Variants in GPC5 observed in about 807,000 individuals in gnomAD.
The protein encoded by GPC5 is glypican 5.
Under a neutral mutation model 53.9 loss-of-function variants are expected in GPC5, and 47 were observed. The observed-to-expected ratio is 0.87, with a 90% CI of 0.69 to 1.11. The LOEUF (loss-of-function observed/expected upper bound fraction) is 1.11. Among genes scored for constraint, GPC5 ranks in the 50% most tolerant of loss-of-function variants. The probability of loss-of-function intolerance (pLI) is 0.00; values close to 1 mark genes in which losing one functional copy is unlikely to be tolerated. For missense variants in GPC5, 748 were observed against 713.1 expected, an observed-to-expected ratio of 1.05 and a Z score of -0.56; for synonymous variants, 286 against 263.3, an observed-to-expected ratio of 1.09 and a Z score of -0.84.
At chr13:92,064,089 G>A (rs2041145741) in intron 6 of GPC5, among the ~76,000 whole-genome samples, 1 of 152,192 alleles carries the variant, frequency 6.6e-6, no homozygotes, top group East Asian at 1.9e-4. Context: ...ACCATTTAAT[G>A]TCTCAAATTT....
chr13:91,638,600 A>G (rs1000603647), intron 2 of GPC5, among the ~76,000 whole-genome samples: 2 of 152,132 alleles, frequency 1.3e-5, no homozygotes, highest in South Asian at 4.1e-4. Flanking sequence ...TCCTGACCTC[A>G]AGTGATCTGC....
At chr13:91,860,361 T>C (rs966755158) in intron 5 of GPC5, among the ~76,000 whole-genome samples, 6 of 151,946 alleles carry the variant, frequency 3.9e-5, no homozygotes, top group Non-Finnish European at 7.4e-5. Flanking sequence ...TCACATAATA[T>C]CCTCCATTTC....
intron 7 of GPC5, among the ~76,000 whole-genome samples, chr13:92,764,535 A>G (rs1380450848): frequency 1.3e-5 from 2 of 152,164 alleles, no homozygotes; most frequent in South Asian, 2.1e-4. Flanking sequence ...TAGGTGTCCA[A>G]GGTGGTTATG....
chr13:92,174,606 C>T (rs2042096404), intron 7 of GPC5, among the ~76,000 whole-genome samples: 2 of 151,904 alleles, frequency 1.3e-5, no homozygotes, highest in Non-Finnish European at 2.9e-5. Flanking sequence ...TTACTTCATT[C>T]ATACATTTAT....
chr13:91,622,660 A>C (rs375930423), intron 2 of GPC5, among the ~76,000 whole-genome samples: 1 of 152,134 alleles, frequency 6.6e-6, no homozygotes, highest in Admixed American at 6.6e-5. Flanking sequence ...ATGCCATGCG[A>C]TCTTCCAGCA....
At chr13:92,245,299 C>A (rs1315084122) in intron 7 of GPC5, among the ~76,000 whole-genome samples, 2 of 152,150 alleles carry the variant, frequency 1.3e-5, no homozygotes, top group African/African-American at 4.8e-5. Context: ...ACTACCCTAT[C>A]TGAAGTAGCT....
intron 6 of GPC5, among the ~76,000 whole-genome samples, chr13:92,121,118 T>G (rs188852327): frequency 6.6e-6 from 1 of 152,334 alleles, no homozygotes; most frequent in South Asian, 2.1e-4. Flanking sequence ...TTAAAAAATA[T>G]AGACATAATT....
At chr13:92,037,801 C>A (rs2040905734) in intron 6 of GPC5, among the ~76,000 whole-genome samples, 1 of 151,972 alleles carries the variant, frequency 6.6e-6, no homozygotes, top group Admixed American at 6.6e-5. Flanking sequence ...TTTAAGAAAC[C>A]CTCATTTGCT....
rs60326929 is a variant in GPC5 at position 92,782,385 on chromosome 13, C to T, written c.1562-83897C>T. Among the ~76,000 whole-genome samples the T allele has an allele frequency of 0.025, 3,823 of 152,226 alleles. 378 individuals are homozygous for T. In the East Asian group the frequency reaches 0.32, roughly 13 times the overall value. ...TACACATAGGCAAACAAGGTCACTG[C>T]AGCCCGTGCTAAGTTCTAGGAGAAC... On this transcript the variant is annotated intron_variant, in intron 7 of 7. Coordinates refer to ENST00000377067, the MANE Select transcript of GPC5 (RefSeq NM_004466.6).
At chr13:92,034,468 A>G (rs901295952) in intron 6 of GPC5, among the ~76,000 whole-genome samples, 9 of 152,192 alleles carry the variant, frequency 5.9e-5, no homozygotes, top group African/African-American at 2.2e-4. Context: ...ACTGCACTCC[A>G]GCCTGGGCAA....
intron 7 of GPC5, among the ~76,000 whole-genome samples, chr13:92,489,456 A>C (rs1429774557): frequency 6.6e-6 from 1 of 152,274 alleles, no homozygotes; most frequent in African/African-American, 2.4e-5. Flanking sequence ...AGAATTAGGC[A>C]AGGTAATTTG....
intron 2 of GPC5, among the ~76,000 whole-genome samples, chr13:91,489,317 A>T (rs1270441091): frequency 6.6e-6 from 1 of 152,098 alleles, no homozygotes; most frequent in African/African-American, 2.4e-5. Flanking sequence ...CTGACATGTG[A>T]TGTCTCCCCC....
intron 7 of GPC5, among the ~76,000 whole-genome samples, chr13:92,156,643 T>C (rs1473255829): frequency 6.6e-6 from 1 of 152,186 alleles, no homozygotes; most frequent in East Asian, 1.9e-4. Context: ...ATTTTAATTT[T>C]GCTATCAAGT....
At chr13:92,107,475 C>G (rs2041519155) in intron 6 of GPC5, among the ~76,000 whole-genome samples, 1 of 152,164 alleles carries the variant, frequency 6.6e-6, no homozygotes, top group Admixed American at 6.6e-5. Context: ...TGCAGACTTA[C>G]TTCCAGAATA....
At chr13:92,315,750 T>C (rs1366839714) in intron 7 of GPC5, among the ~76,000 whole-genome samples, 1 of 152,164 alleles carries the variant, frequency 6.6e-6, no homozygotes. Context: ...AATTAGTAAA[T>C]GTATAAGGAC....
intron 3 of GPC5, among the ~76,000 whole-genome samples, chr13:91,720,617 C>T (rs765004965): frequency 5.3e-5 from 8 of 152,210 alleles, no homozygotes; most frequent in Non-Finnish European, 1.0e-4. Flanking sequence ...TTGTACCTTG[C>T]CTGATCTCTC....
intron 6 of GPC5, among the ~76,000 whole-genome samples, chr13:91,917,525 G>A (rs903130675): frequency 6.6e-6 from 1 of 152,324 alleles, no homozygotes; most frequent in African/African-American, 2.4e-5. Context: ...AGCTCCACTA[G>A]TCAGTGCCCC....
intron 7 of GPC5, among the ~76,000 whole-genome samples, chr13:92,251,058 C>A (rs2042689108): frequency 6.6e-6 from 1 of 152,028 alleles, no homozygotes; most frequent in Non-Finnish European, 1.5e-5. Flanking sequence ...CTTTGTTATT[C>A]ATGTACTCCA....
At position 92,269,415 on chromosome 13, in the gene GPC5, G is replaced by GTT. The variant is rs199529608; in HGVS notation, c.1561+124433_1561+124434dup. On this transcript the variant is annotated intron_variant, in intron 7 of 7. Transcript: ENST00000377067. The stretch of plus-strand genomic sequence containing the variant: ...CTATTCCTTTTTTTTGTTTTGTTTT[G>GTT]TTTTTTTTGAGACAGAGTCTCGCTC... Among the ~76,000 whole-genome samples the GTT allele has an allele frequency of 9.2e-4, 138 of 150,520 alleles. 2 individuals carry two copies. Among genetic ancestry groups the GTT allele is most frequent in the African/African-American group, 3.2e-3 (130 of 40,894 alleles).
Sources: gnomAD v4.1 joint callset for allele counts (sites outside exome capture counted in the v4.1 genomes callset) on GRCh38, gnomAD v4.1.1 for gene constraint, MANE v1.5 for transcripts, NCBI Gene and HGNC (gene_info 2026-07-23, HGNC 2026-07-21) for gene names.